LMTK2: variants seen among roughly 807,000 people sequenced by gnomAD.
The protein encoded by LMTK2 is lemur tail kinase 2.
Under a neutral mutation model 127.5 loss-of-function variants are expected in LMTK2, and 37 were observed. The observed-to-expected ratio is 0.29, with a 90% CI of 0.22 to 0.38. LMTK2 has a LOEUF of 0.38. Ranked by LOEUF, LMTK2 falls within the 10% of genes least tolerant of loss-of-function variation. The probability of loss-of-function intolerance (pLI) is 1.00; values close to 1 mark genes in which losing one functional copy is unlikely to be tolerated. For synonymous variants in LMTK2, 819 were observed against 810.1 expected (o/e 1.01, Z -0.19); for missense variants, 1,694 against 1,920.3 (o/e 0.88, Z 2.20).
chr7:98,109,745 A>G (rs1315245817), intron 1 of LMTK2, among the ~76,000 whole-genome samples: 3 of 147,230 alleles, frequency 2.0e-5, no homozygotes, highest in African/African-American at 7.5e-5. Context: ...CTCCGTCTCA[A>G]AAAAAAAAAA....
rs181161692 is a variant in LMTK2, at chr7:98,174,119, A to G, written c.791+2445A>G. On this transcript the variant is annotated intron_variant, in intron 7 of 13. Coordinates refer to ENST00000297293, the MANE Select transcript of LMTK2 (RefSeq NM_014916.4). ...CATTTTGTTGTAAAAAAAAAAAAAA[A>G]AAAGAAAAAGTAATCATATCTATAT... 3.5e-3 allele frequency among the ~76,000 whole-genome samples: 536 copies of G among 151,150 alleles called. 4 individuals carry two copies. Among genetic ancestry groups the G allele is most frequent in the African/African-American group, 0.011 (438 of 40,740 alleles).
intron 1 of LMTK2, among the ~76,000 whole-genome samples, chr7:98,126,991 A>G (rs564947247): frequency 2.0e-5 from 3 of 152,262 alleles, no homozygotes; most frequent in African/African-American, 7.2e-5. Context: ...GACTGAGTAT[A>G]TTTACTGCCA....
At chr7:98,112,530 A>T (rs1224868056) in intron 1 of LMTK2, among the ~76,000 whole-genome samples, 1 of 152,236 alleles carries the variant, frequency 6.6e-6, no homozygotes, top group African/African-American at 2.4e-5. Flanking sequence ...TAAGGGCTTG[A>T]TAACTGCAGG....
Position 98,191,834 on chromosome 7 carries a change from C to G in LMTK2, c.1369C>G (p.Arg457Gly), listed in dbSNP as rs754657250. 6.8e-6 allele frequency: 11 copies of G among 1,614,016 alleles called. No homozygotes were observed. The highest frequency in any genetic ancestry group is 8.5e-6 in the Non-Finnish European group (10 of 1,180,008). The change falls in exon 11 of 14, where the codon CGT becomes GGT. Residue 457 changes from arginine (R) to glycine (G), a missense_variant. Physicochemically the swap from Arg to Gly is moderately radical, Grantham distance 125. Around this residue, in one of 8 missense-constraint regions of LMTK2, gnomAD observed 216 missense variants for 266.8 expected, o/e 0.81. Transcript: ENST00000297293. ...LDHFARDRLG[R>G]EMEEVLTVTE... Reference sequence around the variant, plus strand: ...CCACTTTGCCAGGGACCGGCTGGGTCGTGAAATGGAGGAAGTCCTCACCGT... The same window carrying G: ...CCACTTTGCCAGGGACCGGCTGGGTGGTGAAATGGAGGAAGTCCTCACCGT...
At position 98,208,181 on chromosome 7, in the gene LMTK2, CAA is replaced by C. The variant is rs1015709686; in HGVS notation, c.*2694_*2695del. ...TTTTGAGTCACTCATAATTAATTGC[CAA>C]AAAAGCATTTTATACATTGAGTTGG... On this transcript the variant is annotated 3_prime_UTR_variant, in exon 14 of 14. Transcript: ENST00000297293. 6.6e-6 allele frequency: 1 copy of C among 151,782 alleles called. No individual in the cohort carries two copies. Among genetic ancestry groups the C allele is most frequent in the African/African-American group, 2.4e-5 (1 of 41,320 alleles). The allele number at this position is 151,782 out of a possible 1,614,324, so 9.4% of individuals were successfully genotyped here. A position where few individuals can be genotyped will look rare whatever the true frequency, so the allele number is the denominator to read the frequency against.
chr7:98,140,153 T>G (rs1337062772), intron 2 of LMTK2, among the ~76,000 whole-genome samples: 370 of 5,028 alleles, frequency 0.074, 82 homozygotes, highest in African/African-American at 0.11. Context: ...TTTTCTTTTC[T>G]TTTCTTTTCT....
chr7:98,143,490 A>G (rs1433083876), intron 3 of LMTK2, among the ~76,000 whole-genome samples: 2 of 152,268 alleles, frequency 1.3e-5, no homozygotes, highest in Non-Finnish European at 2.9e-5. Context: ...ACACGCTACT[A>G]GAATAAATAA....
intron 1 of LMTK2, among the ~76,000 whole-genome samples, chr7:98,107,657 T>C (rs1217836214): frequency 1.3e-5 from 2 of 152,180 alleles, no homozygotes; most frequent in African/African-American, 4.8e-5. Flanking sequence ...ATAAGAACCG[T>C]TTCTTAGCCC....
chr7:98,190,763 A>G lies in LMTK2; in HGVS notation c.1034A>G (p.Asn345Ser), dbSNP rs751988121. The change falls in exon 10 of 14, where the codon AAT becomes AGT. Residue 345 changes from asparagine (N) to serine (S), a missense_variant. By Grantham distance (46) the Asn-to-Ser change is conservative. This residue lies in a region of LMTK2 where 216 missense variants were observed against 266.8 expected (regional missense o/e 0.81). Coordinates refer to ENST00000297293, the MANE Select transcript of LMTK2 (RefSeq NM_014916.4). ...GTGACACTTTGGGAGCTTTTTGACA[A>G]TGCCGCACAGCCGTATTCAAACCTT... ...LGVTLWELFD[N>S]AAQPYSNLSN... is the part of the protein sequence containing the mutation. 3.1e-6 allele frequency: 5 copies of G among 1,614,110 alleles called. No individual in the cohort carries two copies. The highest frequency in any genetic ancestry group is 3.4e-6 in the Non-Finnish European group (4 of 1,180,006).
chr7:98,120,822 G>A (rs1257870203), intron 1 of LMTK2, among the ~76,000 whole-genome samples: 3 of 152,084 alleles, frequency 2.0e-5, no homozygotes, highest in Admixed American at 2.0e-4. Context: ...CTGATTGCTG[G>A]TAAGGCACTG....
At chr7:98,142,446 A>C (rs1796713179) in intron 3 of LMTK2, among the ~76,000 whole-genome samples, 2 of 152,218 alleles carry the variant, frequency 1.3e-5, no homozygotes, top group Admixed American at 6.5e-5. Flanking sequence ...TGGAGTGTTT[A>C]ATTGCTGTAA....
At position 98,205,749 on chromosome 7, in the gene LMTK2, GTGC is replaced by G; in HGVS notation, c.*259_*261del. 1 of 566,108 alleles carries G rather than the reference GTGC, an allele frequency of 1.8e-6. No homozygotes were observed. Among genetic ancestry groups the G allele is most frequent in the Non-Finnish European group, 3.2e-6 (1 of 314,350 alleles). The allele number at this position is 566,108 out of a possible 1,614,324, so 35.1% of individuals were successfully genotyped here. A position where few individuals can be genotyped will look rare whatever the true frequency, so the allele number is the denominator to read the frequency against. ...ACCCGCGGCCGCGGCCTCCCAGGCA[GTGC>G]TCATGCGCTGGCCGTCGGGGGAGGC... On this transcript the variant is annotated 3_prime_UTR_variant, in exon 14 of 14. Transcript: ENST00000297293.
At chr7:98,161,065 TTTC>T (rs1797008240) in intron 6 of LMTK2, among the ~76,000 whole-genome samples, 1 of 152,244 alleles carries the variant, frequency 6.6e-6, no homozygotes, top group African/African-American at 2.4e-5. Context: ...TTCATTTACG[TTTC>T]TTGTAATTAG....
intron 1 of LMTK2, among the ~76,000 whole-genome samples, chr7:98,132,873 G>A (rs965585380): frequency 2.0e-5 from 3 of 151,950 alleles, no homozygotes; most frequent in Admixed American, 6.6e-5. Context: ...TCTAGAGATC[G>A]TGAATCAGAT....
At chr7:98,130,290 G>C (rs1324334765) in intron 1 of LMTK2, among the ~76,000 whole-genome samples, 1 of 152,082 alleles carries the variant, frequency 6.6e-6, no homozygotes, top group Non-Finnish European at 1.5e-5. Flanking sequence ...CGAGAAGCTG[G>C]GGGTACAAAA....
intron 1 of LMTK2, among the ~76,000 whole-genome samples, chr7:98,125,302 C>T (rs76112106): frequency 7.6e-6 from 1 of 131,526 alleles, no homozygotes; most frequent in Non-Finnish European, 1.6e-5. Flanking sequence ...GACTCCGTCT[C>T]AAAAAAAAAA....
chr7:98,115,575 C>T (rs1181629415), intron 1 of LMTK2, among the ~76,000 whole-genome samples: 2 of 151,816 alleles, frequency 1.3e-5, no homozygotes, highest in East Asian at 1.9e-4. Flanking sequence ...TTTGGGAGGC[C>T]GAGGCGGGCG....
intron 1 of LMTK2, among the ~76,000 whole-genome samples, chr7:98,127,044 G>A (rs1796454534): frequency 6.6e-6 from 1 of 152,094 alleles, no homozygotes; most frequent in South Asian, 2.1e-4. Flanking sequence ...AATACCTGAG[G>A]GAGATTCTAG....
chr7:98,145,933 GT>G (rs1245509439), intron 3 of LMTK2, among the ~76,000 whole-genome samples: 4 of 152,126 alleles, frequency 2.6e-5, no homozygotes, highest in South Asian at 2.1e-4. Flanking sequence ...TCTTCTGTAA[GT>G]TTTATAGTTT....
Sources: gnomAD v4.1 joint callset for allele counts (sites outside exome capture counted in the v4.1 genomes callset) on GRCh38, gnomAD v4.1.1 for gene constraint, gnomAD v4.1.1 regional missense constraint, MANE v1.5 for transcripts, NCBI Gene and HGNC (gene_info 2026-07-23, HGNC 2026-07-21) for gene names.